Variants in UBA6 observed in about 807,000 individuals in gnomAD.
The protein encoded by UBA6 is ubiquitin-like modifier-activating enzyme 6.
In UBA6, 87 loss-of-function variants were observed where a neutral mutation model predicts 148.3. The observed-to-expected ratio is 0.59, with a 90% CI of 0.49 to 0.70. The LOEUF is 0.70. Ranked by LOEUF, UBA6 falls within the 30% of genes least tolerant of loss-of-function variation. UBA6 has a pLI of 0.00. For synonymous variants in UBA6, 376 were observed against 401.0 expected (o/e 0.94, Z 0.75); for missense variants, 1,186 against 1,241.2 (o/e 0.96, Z 0.67).
In UBA6 at chr4:67,682,176, T is replaced by C. The variant is rs1560499714; in HGVS notation, c.172A>G (p.Lys58Glu). The C allele has an allele frequency of 1.2e-6, 2 of 1,613,898 alleles. No homozygotes were observed. The highest frequency in any genetic ancestry group is 1.3e-5 in the African/African-American group (1 of 75,020). ...AAGAAAACATGGGACTTGGCCATCT[T>C]CTGCATTGCTGTGTCTCCAAGAACG... is the stretch of plus-strand genomic sequence containing the variant. Reference protein sequence around the residue: ...RYVLGDTAMQKMAKSHVFLSG... With the variant: ...RYVLGDTAMQEMAKSHVFLSG... The change falls in exon 3 of 33, where the codon AAG becomes GAG. Residue 58 changes from lysine (K) to glutamate (E), a missense_variant. By Grantham distance (56) the Lys-to-Glu change is moderately conservative. Transcript: ENST00000322244.
chr4:67,670,174 G>A (rs1730110061), intron 8 of UBA6, among the ~76,000 whole-genome samples: 1 of 152,036 alleles, frequency 6.6e-6, no homozygotes, highest in South Asian at 2.1e-4. Flanking sequence ...AAACTCCTGA[G>A]CTAAAGTGAT....
chr4:67,657,735 A>T (rs921145423), intron 13 of UBA6, among the ~76,000 whole-genome samples: 1 of 151,542 alleles, frequency 6.6e-6, no homozygotes, highest in African/African-American at 2.4e-5. Flanking sequence ...CAGAGTGAAC[A>T]GCAACCTACA....
chr4:67,665,431 GT>G (rs71269059), intron 9 of UBA6, 139 bp from the exon 10 acceptor site: 31,419 of 338,934 alleles, frequency 0.093, 186 homozygotes, highest in East Asian at 0.18. Context: ...TTGTTTGTTT[GT>G]TTTTTTTTTT....
rs187656352 is a variant in UBA6, at chr4:67,627,183, T to C, written c.2401-706A>G. Among the ~76,000 whole-genome samples the C allele has an allele frequency of 2.1e-3, 320 of 152,092 alleles. 2 individuals carry two copies. The highest frequency in any genetic ancestry group is 7.2e-3 in the African/African-American group (300 of 41,542). On this transcript the variant is annotated intron_variant, in intron 27 of 32. Coordinates refer to ENST00000322244, the MANE Select transcript of UBA6 (RefSeq NM_018227.6). ...AACCAAGAAATTAGCTTCATTATCA[T>C]GAAGTAATATTTATTTAAAAATACA... is the stretch of plus-strand genomic sequence containing the variant.
intron 7 of UBA6, among the ~76,000 whole-genome samples, chr4:67,671,472 G>C (rs1730146977): frequency 6.6e-6 from 1 of 150,712 alleles, no homozygotes; most frequent in African/African-American, 2.4e-5. Context: ...AAACTGGGCA[G>C]AAACTTAGAA....
intron 14 of UBA6, 59 bp downstream of exon 14, chr4:67,649,009 A>G: frequency 6.5e-7 from 1 of 1,550,088 alleles, no homozygotes; most frequent in Non-Finnish European, 8.7e-7. Flanking sequence ...CTACATTATA[A>G]TATGTAACAC....
chr4:67,693,328 C>G (rs1388073120), intron 2 of UBA6, among the ~76,000 whole-genome samples: 1 of 142,328 alleles, frequency 7.0e-6, no homozygotes, highest in Non-Finnish European at 1.6e-5. Flanking sequence ...TCTAAGAATA[C>G]TGTGTATATA....
At chr4:67,624,966 A>G in intron 29 of UBA6, 28 bp downstream of exon 29, 2 of 1,553,422 alleles carry the variant, frequency 1.3e-6, no homozygotes, top group Non-Finnish European at 1.8e-6. Flanking sequence ...AAAAAGGAGC[A>G]TTTTTATTCA....
intron 1 of UBA6, among the ~76,000 whole-genome samples, chr4:67,697,916 T>C (rs1730879905): frequency 6.6e-6 from 1 of 152,194 alleles, no homozygotes; most frequent in African/African-American, 2.4e-5. Flanking sequence ...TGGATTTCCT[T>C]TACTCTTAAA....
At chr4:67,692,192 G>T (rs555836659) in intron 2 of UBA6, among the ~76,000 whole-genome samples, 1 of 152,270 alleles carries the variant, frequency 6.6e-6, no homozygotes, top group Admixed American at 6.5e-5. Flanking sequence ...TTAAAAAAAA[G>T]TCAGACACAA....
At position 67,673,584 on chromosome 4, in the gene UBA6, T is replaced by A. The variant is rs1730202774; in HGVS notation, c.546+113A>T. ...TATCAAAATTAATGAAAAAAATGAT[T>A]GTGATTAATATGTAAAAAGTTTCTT... On this transcript the variant is annotated intron_variant, in intron 7 of 32. Transcript: ENST00000322244. The A allele has an allele frequency of 1.4e-5, 8 of 554,974 alleles. No homozygotes were observed. In the East Asian group the frequency reaches 1.7e-4, roughly 12 times the overall value. The allele number at this position is 554,974 out of a possible 1,614,324, so 34.4% of individuals were successfully genotyped here.
chr4:67,669,334 G>C (rs1455065840), intron 8 of UBA6, among the ~76,000 whole-genome samples: 1 of 152,140 alleles, frequency 6.6e-6, no homozygotes, highest in Non-Finnish European at 1.5e-5. Context: ...TCTTTGAGCA[G>C]AAAGATATAC....
rs1241092950 is a variant in UBA6, at chr4:67,626,387, C to A, written c.2491G>T (p.Ala831Ser). The A allele has an allele frequency of 1.2e-6, 2 of 1,610,370 alleles. No homozygotes were observed. Among genetic ancestry groups the A allele is most frequent in the Non-Finnish European group, 1.7e-6 (2 of 1,177,622 alleles). ...TTGGTGGCTTCATTAGATAAAATAG[C>A]CTTTTCTAGTTGGAAAATTGCATTC... is the stretch of plus-strand genomic sequence containing the variant. ...ERNAIFQLEK[A>S]ILSNEATKSD... The change falls in exon 28 of 33, where the codon GCT becomes TCT. Residue 831 changes from alanine to serine, a missense_variant. Ala to Ser is a moderately conservative substitution (Grantham distance 99). Coordinates refer to ENST00000322244, the MANE Select transcript of UBA6 (RefSeq NM_018227.6).
At chr4:67,687,361 A>C (rs1363155325) in intron 2 of UBA6, among the ~76,000 whole-genome samples, 1 of 152,164 alleles carries the variant, frequency 6.6e-6, no homozygotes, top group Admixed American at 6.5e-5. Flanking sequence ...ATAAAATATT[A>C]TTATTCCTAT....
intron 1 of UBA6, among the ~76,000 whole-genome samples, chr4:67,700,811 C>T (rs905788941): frequency 1.3e-5 from 2 of 152,162 alleles, no homozygotes; most frequent in African/African-American, 2.4e-5. Context: ...CCAGCCAGAA[C>T]TGAGAAAGCC....
rs570385815 is a variant in UBA6, at chr4:67,641,062, G to A, written c.1554+89C>T. On this transcript the variant is annotated intron_variant, in intron 18 of 32. Transcript: ENST00000322244. ...TTGAAAGTTTCTAATAAAATAACAC[G>A]ATTGTTCAATCACTATTTTCTATTT... is the stretch of plus-strand genomic sequence containing the variant. 9.9e-5 allele frequency: 77 copies of A among 779,516 alleles called. No individual in the cohort carries two copies. The South Asian group carries it at 1.0e-3, about 10-fold the overall frequency. 48.3% of individuals were successfully genotyped at this position (779,516 alleles called of 1,614,324 possible).
intron 18 of UBA6, among the ~76,000 whole-genome samples, chr4:67,639,763 C>T (rs1326114780): frequency 6.6e-6 from 1 of 152,030 alleles, no homozygotes; most frequent in Non-Finnish European, 1.5e-5. Context: ...ATAAATTATG[C>T]ATAGTAAGAG....
At chr4:67,675,688 G>A (rs1730262499) in intron 6 of UBA6, among the ~76,000 whole-genome samples, 1 of 151,908 alleles carries the variant, frequency 6.6e-6, no homozygotes, top group African/African-American at 2.4e-5. Flanking sequence ...CCCAGACTAT[G>A]CCACTGCACT....
intron 2 of UBA6, among the ~76,000 whole-genome samples, chr4:67,694,506 C>G (rs888597197): frequency 2.0e-5 from 3 of 151,798 alleles, no homozygotes; most frequent in Non-Finnish European, 4.4e-5. Context: ...ATTCTCCTGC[C>G]TCAGCCTCCC....
Sources: allele counts gnomAD v4.1 joint callset (sites outside exome capture counted in the v4.1 genomes callset), GRCh38; gene constraint gnomAD v4.1.1; transcripts MANE v1.5; gene names NCBI Gene and HGNC (gene_info 2026-07-23, HGNC 2026-07-21).